The following CHRM3 variants were observed in gnomAD, a reference collection of about 807,000 sequenced individuals.
CHRM3 encodes muscarinic acetylcholine receptor M3.
A neutral mutation model predicts 41.8 loss-of-function variants in CHRM3; 11 were observed. The ratio of observed to expected loss-of-function variants is 0.26; its 90% confidence interval spans 0.17 to 0.44. The LOEUF (loss-of-function observed/expected upper bound fraction) is 0.44. CHRM3 is among the 20% of genes least tolerant of loss of function. CHRM3 has a pLI of 1.00. For synonymous variants in CHRM3, 297 were observed against 301.4 expected (o/e 0.99, Z 0.15); for missense variants, 571 against 745.4 (o/e 0.77, Z 2.72).
chr1:239,594,714 A>G (rs1382253856), intron 3 of CHRM3, among the ~76,000 whole-genome samples: 1 of 152,228 alleles, frequency 6.6e-6, no homozygotes, highest in Non-Finnish European at 1.5e-5. Context: ...TGGTGAAAAG[A>G]AAGTCTTTTA....
At chr1:239,811,968 T>TTTTTAATTCAATCA (rs1220682383) in intron 5 of CHRM3, among the ~76,000 whole-genome samples, 3 of 152,208 alleles carry the variant, frequency 2.0e-5, no homozygotes, top group Non-Finnish European at 4.4e-5. Context: ...CATAAGTCAG[T>TTTTTAATTCAATCA]GTTTAATTCA....
chr1:239,837,715 A>G (rs1303157863), intron 6 of CHRM3, among the ~76,000 whole-genome samples: 1 of 152,204 alleles, frequency 6.6e-6, no homozygotes. Flanking sequence ...TCAGAATTTT[A>G]TATATGGCTG....
chr1:239,662,661 C>T (rs1673317287), intron 4 of CHRM3, among the ~76,000 whole-genome samples: 1 of 152,104 alleles, frequency 6.6e-6, no homozygotes, highest in Non-Finnish European at 1.5e-5. Context: ...TATCTAGTAA[C>T]TTGACAGACC....
intron 5 of CHRM3, among the ~76,000 whole-genome samples, chr1:239,737,520 A>G (rs141440491): frequency 6.6e-6 from 1 of 152,314 alleles, no homozygotes; most frequent in East Asian, 1.9e-4. Context: ...ACATAGTTCA[A>G]AACTAAAGCC....
rs1558199238 is a variant in CHRM3 at position 239,874,307 on chromosome 1, A to ATATACACAG, written c.-19-33122_-19-33121insCACAGTATA. 4.5e-4 allele frequency among the ~76,000 whole-genome samples: 11 copies of ATATACACAG among 24,624 alleles called. 1 individual carries two copies. Among genetic ancestry groups the ATATACACAG allele is most frequent in the South Asian group, 3.9e-3 (1 of 258 alleles). The allele number at this position is 24,624 out of a possible 152,430, so 16.2% of individuals were successfully genotyped here. ...ACAGTATATATATATATATATATATATATATATATATATATATATACACAG... is the reference window on the plus strand; with the variant it reads ...ACAGTATATATATATATATATATATATATACACAGTATATATATATATATATATACACAG... On this transcript the variant is annotated intron_variant, in intron 6 of 6. Transcript: ENST00000676153.
At chr1:239,844,924 A>T (rs938553579) in intron 6 of CHRM3, among the ~76,000 whole-genome samples, 2 of 152,212 alleles carry the variant, frequency 1.3e-5, no homozygotes, top group African/African-American at 2.4e-5. Flanking sequence ...AACTTTGTAC[A>T]TGGAATGCAG....
intron 3 of CHRM3, among the ~76,000 whole-genome samples, chr1:239,556,021 C>T (rs548733475): frequency 1.3e-5 from 2 of 152,272 alleles, no homozygotes; most frequent in African/African-American, 4.8e-5. Context: ...CTTTATTAAG[C>T]TCAGCCAGTA....
chr1:239,627,133 G>A (rs1490145948), intron 3 of CHRM3, among the ~76,000 whole-genome samples: 1 of 74,368 alleles, frequency 1.3e-5, no homozygotes, highest in Non-Finnish European at 2.6e-5. Context: ...ATGTGTGGGA[G>A]TCTAAGTCTC....
intron 2 of CHRM3, among the ~76,000 whole-genome samples, chr1:239,524,307 C>G (rs995367692): frequency 6.6e-6 from 1 of 152,136 alleles, no homozygotes; most frequent in Admixed American, 6.5e-5. Context: ...CTCAAGAAGA[C>G]AGTTCCTTGT....
chr1:239,684,363 G>GGGT (rs1385507625), intron 5 of CHRM3, among the ~76,000 whole-genome samples: 2 of 152,032 alleles, frequency 1.3e-5, no homozygotes, highest in African/African-American at 4.8e-5. Context: ...GGATGATACT[G>GGGT]GGTAATCCCT....
intron 6 of CHRM3, among the ~76,000 whole-genome samples, chr1:239,897,094 C>T (rs898783636): frequency 6.6e-6 from 1 of 152,168 alleles, no homozygotes; most frequent in East Asian, 1.9e-4. Flanking sequence ...AATGTGCCCA[C>T]GTGGCAGAAT....
chr1:239,582,363 T>C (rs1662977789), intron 3 of CHRM3, among the ~76,000 whole-genome samples: 1 of 152,196 alleles, frequency 6.6e-6, no homozygotes, highest in Non-Finnish European at 1.5e-5. Flanking sequence ...AATATACTTG[T>C]GGTACTTTCC....
At chr1:239,509,854 G>C (rs1056539671) in intron 2 of CHRM3, among the ~76,000 whole-genome samples, 1 of 152,146 alleles carries the variant, frequency 6.6e-6, no homozygotes, top group Non-Finnish European at 1.5e-5. Context: ...TTGGGAGGCC[G>C]AAGTGGGCAG....
chr1:239,759,879 G>A (rs1476605867), intron 5 of CHRM3, among the ~76,000 whole-genome samples: 1 of 151,940 alleles, frequency 6.6e-6, no homozygotes, highest in East Asian at 1.9e-4. Flanking sequence ...CATGTCTTTT[G>A]ATGTATCAAA....
chr1:239,728,899 G>A (rs544436996), intron 5 of CHRM3, among the ~76,000 whole-genome samples: 24 of 152,046 alleles, frequency 1.6e-4, no homozygotes, highest in African/African-American at 3.1e-4. Context: ...AGTGCCCATC[G>A]TGTTTAAAGC....
At chr1:239,488,481 C>T (rs187642356) in intron 1 of CHRM3, among the ~76,000 whole-genome samples, 12 of 151,746 alleles carry the variant, frequency 7.9e-5, no homozygotes, top group African/African-American at 2.7e-4. Context: ...TTTGGGAAGC[C>T]GAGGTGGGCA....
intron 4 of CHRM3, among the ~76,000 whole-genome samples, chr1:239,650,760 C>T (rs959659437): frequency 1.3e-5 from 2 of 152,080 alleles, no homozygotes; most frequent in South Asian, 2.1e-4. Flanking sequence ...GCTAACTAAA[C>T]GTAATGAGAT....
chr1:239,598,297 A>G (rs532025679), intron 3 of CHRM3, among the ~76,000 whole-genome samples: 8 of 152,208 alleles, frequency 5.3e-5, no homozygotes, highest in Admixed American at 3.3e-4. Context: ...ATTCACAGCA[A>G]ACAAGAAGCG....
intron 5 of CHRM3, among the ~76,000 whole-genome samples, chr1:239,720,913 A>G (rs1662906025): frequency 6.6e-6 from 1 of 151,920 alleles, no homozygotes; most frequent in Non-Finnish European, 1.5e-5. Flanking sequence ...TTTTGTTGAG[A>G]GGCAAGATGC....
Sources: allele counts gnomAD v4.1 joint callset (sites outside exome capture counted in the v4.1 genomes callset), GRCh38; gene constraint gnomAD v4.1.1; transcripts MANE v1.5; gene names NCBI Gene and HGNC (gene_info 2026-07-23, HGNC 2026-07-21).